Variants in PCDH9 observed in about 807,000 individuals in gnomAD.
The protein encoded by PCDH9 is protocadherin 9, also known as protocadherin-9.
A neutral mutation model predicts 70.6 loss-of-function variants in PCDH9; 24 were observed. The ratio of observed to expected loss-of-function variants is 0.34; its 90% CI spans 0.25 to 0.48. PCDH9 has a LOEUF of 0.48. Ranked by LOEUF, PCDH9 falls within the 20% of genes least tolerant of loss-of-function variation. PCDH9 has a pLI of 0.99. For synonymous variants in PCDH9, 562 were observed against 558.5 expected, an observed-to-expected ratio of 1.01 and a Z score of -0.09; for missense variants, 1,281 against 1,503.6, an observed-to-expected ratio of 0.85 and a Z score of 2.45.
chr13:66,623,296 C>T lies in PCDH9; in HGVS notation c.3340+7914G>A, dbSNP rs572594814. Among the ~76,000 whole-genome samples the T allele has an allele frequency of 7.2e-5, 11 of 152,354 alleles. No homozygotes were observed. In the South Asian group the frequency reaches 2.1e-3, roughly 29 times the overall value. ...TGTCCTATAATTAAAAATGCATCCCCAGTAGTGATTGTGTTGAGTCATGTA... is the reference window on the plus strand; with the variant it reads ...TGTCCTATAATTAAAAATGCATCCCTAGTAGTGATTGTGTTGAGTCATGTA... On this transcript the variant is annotated intron_variant, in intron 4 of 4. Transcript: ENST00000377865.
intron 2 of PCDH9, among the ~76,000 whole-genome samples, chr13:67,114,153 A>T (rs1218464753): frequency 6.6e-6 from 1 of 152,186 alleles, no homozygotes; most frequent in African/African-American, 2.4e-5. Flanking sequence ...GTAATTTATG[A>T]TTCCCTGGAC....
At chr13:66,713,055 G>A (rs115243702) in intron 3 of PCDH9, among the ~76,000 whole-genome samples, 20 of 152,138 alleles carry the variant, frequency 1.3e-4, no homozygotes, top group African/African-American at 4.8e-4. Context: ...TCCAACATTC[G>A]TATGTTTTCA....
intron 3 of PCDH9, among the ~76,000 whole-genome samples, chr13:66,762,988 T>C: frequency 6.6e-6 from 1 of 151,898 alleles, no homozygotes; most frequent in Non-Finnish European, 1.5e-5. Flanking sequence ...GATGAGGTCT[T>C]ATGTTGCCTA....
Position 66,773,472 on chromosome 13 carries a change from C to CA in PCDH9, c.3138+130031dup, listed in dbSNP as rs565969231. On this transcript the variant is annotated intron_variant, in intron 3 of 4. Transcript: ENST00000377865. The stretch of plus-strand genomic sequence containing the variant: ...TGAAACCCTGTGTCCACTAAAAATA[C>CA]AAAAAAAAATTAGCCGGGCGTGGTG... Among the ~76,000 whole-genome samples the CA allele has an allele frequency of 6.3e-4, 94 of 148,396 alleles. 1 individual carries two copies. Among genetic ancestry groups the CA allele is most frequent in the African/African-American group, 1.6e-3 (65 of 40,554 alleles).
intron 3 of PCDH9, among the ~76,000 whole-genome samples, chr13:66,901,019 T>C (rs1442624767): frequency 6.6e-6 from 1 of 151,736 alleles, no homozygotes; most frequent in Admixed American, 6.6e-5. Flanking sequence ...ACTAGATTAA[T>C]AACCTTAAAA....
chr13:66,324,946 C>T (rs1955816519), intron 4 of PCDH9, among the ~76,000 whole-genome samples: 1 of 151,890 alleles, frequency 6.6e-6, no homozygotes, highest in African/African-American at 2.4e-5. Flanking sequence ...TGTCATCTCT[C>T]ACTTCAATTG....
chr13:66,990,536 CAT>C (rs200744515), intron 2 of PCDH9, among the ~76,000 whole-genome samples: 3,782 of 149,372 alleles, frequency 0.025, 152 homozygotes, highest in African/African-American at 0.087. Context: ...TGTATATACT[CAT>C]ATATACAGAA....
intron 3 of PCDH9, among the ~76,000 whole-genome samples, chr13:66,653,052 C>A (rs745386788): frequency 4.6e-5 from 7 of 152,050 alleles, no homozygotes; most frequent in Non-Finnish European, 1.0e-4. Flanking sequence ...TTAAAGAAAA[C>A]ACTGGGGAAA....
At chr13:67,176,899 T>C (rs1288414754) in intron 2 of PCDH9, among the ~76,000 whole-genome samples, 1 of 152,136 alleles carries the variant, frequency 6.6e-6, no homozygotes, top group Non-Finnish European at 1.5e-5. Context: ...TAAGAATATA[T>C]GCTATAGGGA....
At chr13:66,872,471 A>C (rs2081712097) in intron 3 of PCDH9, among the ~76,000 whole-genome samples, 2 of 152,180 alleles carry the variant, frequency 1.3e-5, no homozygotes, top group African/African-American at 4.8e-5. Context: ...AGCATTAAGC[A>C]TACAGTAATT....
intron 3 of PCDH9, among the ~76,000 whole-genome samples, chr13:66,692,770 AGACGAAC>A: frequency 6.6e-6 from 1 of 152,160 alleles, no homozygotes; most frequent in South Asian, 2.1e-4. Context: ...TATTATTTAG[AGACGAAC>A]TAGAAAAACA....
intron 3 of PCDH9, among the ~76,000 whole-genome samples, chr13:66,676,065 C>G (rs1228758970): frequency 6.6e-6 from 1 of 152,120 alleles, no homozygotes; most frequent in Non-Finnish European, 1.5e-5. Flanking sequence ...AAGTGCTGTT[C>G]TGTAACCCTG....
intron 3 of PCDH9, among the ~76,000 whole-genome samples, chr13:66,740,101 C>A (rs1261940789): frequency 9.5e-5 from 14 of 147,544 alleles, no homozygotes; most frequent in African/African-American, 3.0e-4. Context: ...TAAAGCTCTC[C>A]TCAGCAAATG....
intron 3 of PCDH9, among the ~76,000 whole-genome samples, chr13:66,652,411 T>A (rs1418652658): frequency 6.6e-6 from 1 of 152,084 alleles, no homozygotes; most frequent in Non-Finnish European, 1.5e-5. Context: ...TACTTAGGAT[T>A]TAACTTAACC....
chr13:66,510,175 T>C (rs1467500217), intron 4 of PCDH9, among the ~76,000 whole-genome samples: 2 of 152,054 alleles, frequency 1.3e-5, no homozygotes, highest in Non-Finnish European at 2.9e-5. Context: ...ACATTATTAT[T>C]TCTATATTTT....
chr13:67,060,081 G>A (rs181827939), intron 2 of PCDH9, among the ~76,000 whole-genome samples: 1 of 152,050 alleles, frequency 6.6e-6, no homozygotes, highest in Admixed American at 6.6e-5. Context: ...GTGACTCTGG[G>A]CAGGTTACTA....
chr13:66,502,842 T>C (rs1425555408), intron 4 of PCDH9, among the ~76,000 whole-genome samples: 2 of 152,182 alleles, frequency 1.3e-5, no homozygotes, highest in Non-Finnish European at 2.9e-5. Context: ...AATTTTGTTC[T>C]TATGGCTTGT....
chr13:67,071,880 CTT>C (rs2085770626), intron 2 of PCDH9, among the ~76,000 whole-genome samples: 1 of 65,892 alleles, frequency 1.5e-5, no homozygotes, highest in African/African-American at 6.8e-5. Context: ...CAGAGGGAGA[CTT>C]TGTCTCAAAA....
intron 2 of PCDH9, among the ~76,000 whole-genome samples, chr13:67,072,547 A>C (rs2085788234): frequency 1.3e-5 from 2 of 152,090 alleles, no homozygotes; most frequent in South Asian, 4.1e-4. Context: ...TCTCTTGTTA[A>C]TCTTCCTTTT....
Sources: gnomAD v4.1 joint callset for allele counts (sites outside exome capture counted in the v4.1 genomes callset) on GRCh38, gnomAD v4.1.1 for gene constraint, MANE v1.5 for transcripts, NCBI Gene and HGNC (gene_info 2026-07-23, HGNC 2026-07-21) for gene names.